The following KIF13A variants were observed in gnomAD, a reference collection of about 807,000 sequenced individuals.
KIF13A encodes kinesin-like protein KIF13A.
In KIF13A, 79 loss-of-function variants were observed where a neutral mutation model predicts 212.2. The observed-to-expected ratio is 0.37, with a 90% CI of 0.31 to 0.45. The LOEUF (loss-of-function observed/expected upper bound fraction) is 0.45. Ranked by LOEUF, KIF13A falls within the 20% of genes least tolerant of loss-of-function variation. The pLI is 1.00. For missense variants in KIF13A, 1,901 were observed against 2,209.0 expected, an observed-to-expected ratio of 0.86 and a Z score of 2.79; for synonymous variants, 789 against 808.6, an observed-to-expected ratio of 0.98 and a Z score of 0.41.
In KIF13A at chr6:17,819,043, G is replaced by A. The variant is rs1012461505; in HGVS notation, c.1787-1810C>T. Among the ~76,000 whole-genome samples the A allele has an allele frequency of 5.5e-4, 77 of 139,886 alleles. 1 individual carries two copies. The highest frequency in any genetic ancestry group is 5.2e-4 in the Admixed American group (7 of 13,454). 91.8% of individuals were successfully genotyped at this position (139,886 alleles called of 152,430 possible). On this transcript the variant is annotated intron_variant, in intron 16 of 38. Coordinates refer to ENST00000259711, the MANE Select transcript of KIF13A (RefSeq NM_022113.6). The stretch of plus-strand genomic sequence containing the variant: ...GAGACGGAGTTTCGCTCTGTTGCCC[G>A]GGCTGGAGTGCAGTGGCGCGATCTC...
Position 17,987,516 on chromosome 6 carries a change from C to A in KIF13A, c.-53G>T. The A allele has an allele frequency of 9.8e-7, 1 of 1,024,734 alleles. No individual in the cohort carries two copies. The highest frequency in any genetic ancestry group is 1.2e-6 in the Non-Finnish European group (1 of 840,142). The allele number at this position is 1,024,734 out of a possible 1,614,324, so 63.5% of individuals were successfully genotyped here. ...CGCGCCCGCTCGGCCTTAGGCGGCC[C>A]CTCACGCGCGGCGCCGCCGCCGCTG... On this transcript the variant is annotated 5_prime_UTR_variant, in exon 1 of 39. Transcript: ENST00000259711. The surrounding 1 kb of genome is among the most constrained non-coding windows in gnomAD (Gnocchi z 7.7).
intron 2 of KIF13A, among the ~76,000 whole-genome samples, chr6:17,956,349 A>T (rs1428977666): frequency 6.6e-6 from 1 of 152,260 alleles, no homozygotes; most frequent in Non-Finnish European, 1.5e-5. Flanking sequence ...AAAATCCAGC[A>T]TGTGCACACT....
At chr6:17,965,932 T>C (rs960735880) in intron 2 of KIF13A, among the ~76,000 whole-genome samples, 2 of 152,124 alleles carry the variant, frequency 1.3e-5, no homozygotes, top group Non-Finnish European at 2.9e-5. Flanking sequence ...TCCCAGCACT[T>C]TGGGTGGCTG....
rs1380506530 is a variant in KIF13A, at chr6:17,915,953, ATAAAAATAAAAT to A, written c.147-17785_147-17774del. On this transcript the variant is annotated intron_variant, in intron 2 of 38. Coordinates refer to ENST00000259711, the MANE Select transcript of KIF13A (RefSeq NM_022113.6). This position sits in a 1 kb window ranked among gnomAD's most constrained non-coding sequence, Gnocchi z 4.4. Reference sequence around the variant, plus strand: ...GCCAGTCTCAAAAAAAAAAATAAAAATAAAAATAAAATAAAATAAAATAAATTACAGTTCAAA... The same window carrying A: ...GCCAGTCTCAAAAAAAAAAATAAAAAAAAATAAAATAAATTACAGTTCAAA... 1.2e-3 allele frequency among the ~76,000 whole-genome samples: 169 copies of A among 140,872 alleles called. No individual in the cohort carries two copies. Among genetic ancestry groups the A allele is most frequent in the Middle Eastern group, 7.1e-3 (2 of 280 alleles). The allele number at this position is 140,872 out of a possible 152,430, so 92.4% of individuals were successfully genotyped here.
chr6:17,877,462 G>C (rs1455253451), intron 3 of KIF13A, among the ~76,000 whole-genome samples: 1 of 152,126 alleles, frequency 6.6e-6, no homozygotes, highest in Non-Finnish European at 1.5e-5. Context: ...CTGCCTCTGG[G>C]TAGGACTGAA....
In KIF13A at chr6:17,792,942, G is replaced by C. The variant is rs546623223; in HGVS notation, c.3222+1307C>G. The stretch of plus-strand genomic sequence containing the variant: ...AATGTTTTCTCCTCGGCACGATAGG[G>C]AGAGTGCTCCCGATCACATATGACG... On this transcript the variant is annotated intron_variant, in intron 25 of 38. Coordinates refer to ENST00000259711, the MANE Select transcript of KIF13A (RefSeq NM_022113.6). Among the ~76,000 whole-genome samples the C allele has an allele frequency of 1.1e-4, 16 of 152,324 alleles. No homozygotes were observed. The South Asian group carries it at 3.1e-3, about 30-fold the overall frequency.
chr6:17,819,442 A>G (rs1293916732), intron 16 of KIF13A, among the ~76,000 whole-genome samples: 1 of 152,060 alleles, frequency 6.6e-6, no homozygotes, highest in Non-Finnish European at 1.5e-5. Flanking sequence ...ATGTGCCTGT[A>G]GTCCCAGCTA....
intron 38 of KIF13A, among the ~76,000 whole-genome samples, chr6:17,765,799 T>C (rs1236604702): frequency 6.6e-6 from 1 of 152,216 alleles, no homozygotes; most frequent in Non-Finnish European, 1.5e-5. Context: ...ATAAAATAAG[T>C]GATAAACTCT....
In KIF13A at chr6:17,786,979, G is replaced by A. The variant is rs1222278578; in HGVS notation, c.3361+797C>T. On this transcript the variant is annotated intron_variant, in intron 27 of 38. Transcript: ENST00000259711. The surrounding 1 kb of genome is among the most constrained non-coding windows in gnomAD (Gnocchi z 5.4). ...CATATTTCTACTCTAGAATCCAAGT[G>A]GCCACTGCTAGCATAAGCAAACTGC... Among the ~76,000 whole-genome samples, 2 of 152,142 alleles carry A rather than the reference G, an allele frequency of 1.3e-5. No homozygotes were observed. Among genetic ancestry groups the A allele is most frequent in the Admixed American group, 1.3e-4 (2 of 15,278 alleles).
chr6:17,940,425 C>A (rs1776860947), intron 2 of KIF13A, among the ~76,000 whole-genome samples: 1 of 152,180 alleles, frequency 6.6e-6, no homozygotes, highest in East Asian at 1.9e-4. Flanking sequence ...GAAAGCATTA[C>A]TGTTTAATTT....
At chr6:17,943,142 C>G (rs1032156066) in intron 2 of KIF13A, among the ~76,000 whole-genome samples, 5 of 152,048 alleles carry the variant, frequency 3.3e-5, no homozygotes, top group Admixed American at 2.0e-4. Flanking sequence ...AGTACATTTC[C>G]TTGAGAATGG....
chr6:17,790,694 T>G (rs1761456019), intron 25 of KIF13A, among the ~76,000 whole-genome samples: 1 of 152,194 alleles, frequency 6.6e-6, no homozygotes, highest in African/African-American at 2.4e-5. Context: ...GTAAGCCATG[T>G]CTGAGGTCTC....
In KIF13A at chr6:17,967,563, C is replaced by A. The variant is rs7755583; in HGVS notation, c.146+19491G>T. Among the ~76,000 whole-genome samples the A allele has an allele frequency of 5.3e-5, 8 of 152,098 alleles. No homozygotes were observed. The highest frequency in any genetic ancestry group is 1.0e-4 in the Non-Finnish European group (7 of 68,026). ...TCCGAAGTCTTTCTGGAAGACTGCA[C>A]GTGTCAGGAGCAGAGATGCCTGGTT... On this transcript the variant is annotated intron_variant, in intron 2 of 38. Transcript: ENST00000259711. The surrounding 1 kb of genome is among the most constrained non-coding windows in gnomAD (Gnocchi z 4.1).
At chr6:17,813,769 C>T (rs892832472) in intron 17 of KIF13A, among the ~76,000 whole-genome samples, 8 of 152,160 alleles carry the variant, frequency 5.3e-5, no homozygotes, top group Middle Eastern at 3.4e-3. Flanking sequence ...CAGAATGCCA[C>T]GGCTCTGATC....
At chr6:17,921,332 A>G (rs1248060364) in intron 2 of KIF13A, among the ~76,000 whole-genome samples, 1 of 152,244 alleles carries the variant, frequency 6.6e-6, no homozygotes, top group Non-Finnish European at 1.5e-5. Context: ...TCAAGGGAAC[A>G]CACTTCAAGG....
rs1759218257 is a variant in KIF13A, at chr6:17,768,511, C to G, written c.4581+2603G>C. Among the ~76,000 whole-genome samples the G allele has an allele frequency of 6.6e-6, 1 of 152,198 alleles. No homozygotes were observed. Among genetic ancestry groups the G allele is most frequent in the Admixed American group, 6.5e-5 (1 of 15,284 alleles). Reference sequence around the variant, plus strand: ...ATCTCTGTTTGCAGAACTGCACCAGCCAAGGGCTCCAGTACTTCTGTCCAT... The same window carrying G: ...ATCTCTGTTTGCAGAACTGCACCAGGCAAGGGCTCCAGTACTTCTGTCCAT... On this transcript the variant is annotated intron_variant, in intron 38 of 38. Transcript: ENST00000259711. This position sits in a 1 kb window ranked among gnomAD's most constrained non-coding sequence, Gnocchi z 5.4.
At position 17,785,004 on chromosome 6, in the gene KIF13A, ATATGT is replaced by A. The variant is rs758065476; in HGVS notation, c.3488+506_3488+510del. Among the ~76,000 whole-genome samples the A allele has an allele frequency of 6.6e-6, 1 of 152,186 alleles. No individual in the cohort carries two copies. The highest frequency in any genetic ancestry group is 2.4e-5 in the African/African-American group (1 of 41,438). On this transcript the variant is annotated intron_variant, in intron 28 of 38. Coordinates refer to ENST00000259711, the MANE Select transcript of KIF13A (RefSeq NM_022113.6). This position sits in a 1 kb window ranked among gnomAD's most constrained non-coding sequence, Gnocchi z 5.8. Reference sequence around the variant, plus strand: ...ATCTGATTTCTCTTAAATGCCCTGGATATGTTATAATAAAAATGAGAATGAGAATA... The same window carrying A: ...ATCTGATTTCTCTTAAATGCCCTGGATATAATAAAAATGAGAATGAGAATA...
chr6:17,874,223 C>G (rs1387713557), intron 3 of KIF13A, among the ~76,000 whole-genome samples: 2 of 151,996 alleles, frequency 1.3e-5, no homozygotes, highest in Non-Finnish European at 2.9e-5. Flanking sequence ...ATCCTGCACT[C>G]CTTTCCCCTT....
chr6:17,903,234 T>G (rs1480868575), intron 2 of KIF13A, among the ~76,000 whole-genome samples: 1 of 152,214 alleles, frequency 6.6e-6, no homozygotes, highest in Non-Finnish European at 1.5e-5. Flanking sequence ...TTTCAGAGAC[T>G]TTGACATGCT....
Sources: allele counts gnomAD v4.1 joint callset (sites outside exome capture counted in the v4.1 genomes callset), GRCh38; gene constraint gnomAD v4.1.1; non-coding constraint Gnocchi (gnomAD v3.1); transcripts MANE v1.5; gene names NCBI Gene and HGNC (gene_info 2026-07-23, HGNC 2026-07-21).